ANKS1A: variants seen among roughly 807,000 people sequenced by gnomAD.
The protein encoded by ANKS1A is ankyrin repeat and sterile alpha motif domain containing 1A.
Under a neutral mutation model 120.3 loss-of-function variants are expected in ANKS1A, and 55 were observed. The ratio of observed to expected loss-of-function variants is 0.46; its 90% CI spans 0.37 to 0.57. The LOEUF (loss-of-function observed/expected upper bound fraction) is 0.57. Among genes scored for constraint, ANKS1A ranks in the 20% least tolerant of loss-of-function variants. The pLI, the probability that ANKS1A is intolerant of heterozygous loss-of-function variation, is 0.00. For synonymous variants in ANKS1A, 590 were observed against 604.7 expected (o/e 0.98, Z 0.36); for missense variants, 1,123 against 1,480.3 (o/e 0.76, Z 3.96).
intron 1 of ANKS1A, among the ~76,000 whole-genome samples, chr6:34,946,049 C>T (rs1294158487): frequency 1.0e-4 from 15 of 148,876 alleles, no homozygotes; most frequent in African/African-American, 3.4e-4. Context: ...GGCATGATTT[C>T]GGCTCACTGT....
At chr6:35,043,900 G>T (rs1369754282) in intron 11 of ANKS1A, among the ~76,000 whole-genome samples, 1 of 152,136 alleles carries the variant, frequency 6.6e-6, no homozygotes, top group Non-Finnish European at 1.5e-5. Flanking sequence ...TCTGAGTATA[G>T]ATTTCTTTTG....
At chr6:34,995,435 GA>G in intron 10 of ANKS1A, among the ~76,000 whole-genome samples, 1 of 151,812 alleles carries the variant, frequency 6.6e-6, no homozygotes, top group African/African-American at 2.4e-5. Context: ...TTATAATTTA[GA>G]TACAGTAAAA....
chr6:34,999,477 G>A (rs1410322953), intron 10 of ANKS1A, among the ~76,000 whole-genome samples: 1 of 152,252 alleles, frequency 6.6e-6, no homozygotes, highest in Non-Finnish European at 1.5e-5. Context: ...TGAGCGTGGT[G>A]TTTTGTCTCA....
Position 34,982,861 on chromosome 6 carries a change from G to A in ANKS1A, c.808+34G>A, listed in dbSNP as rs1346064949. 8.1e-6 allele frequency: 13 copies of A among 1,613,710 alleles called. No homozygotes were observed. Among genetic ancestry groups the A allele is most frequent in the African/African-American group, 4.0e-5 (3 of 75,036 alleles). ...TCGGCAGCGCTCTTGTCTACACAGC[G>A]TGCCAGGGTTGGGATTGTTTCTCCC... On this transcript the variant is annotated intron_variant, in intron 5 of 23. Coordinates refer to ENST00000360359, the MANE Select transcript of ANKS1A (RefSeq NM_015245.3). The surrounding 1 kb of genome is among the most constrained non-coding windows in gnomAD (Gnocchi z 4.9).
At chr6:35,063,636 G>A (rs1464416013) in intron 13 of ANKS1A, among the ~76,000 whole-genome samples, 1 of 152,232 alleles carries the variant, frequency 6.6e-6, no homozygotes, top group Non-Finnish European at 1.5e-5. Context: ...GAGCCAAGAT[G>A]TTTTCAGTGG....
In ANKS1A at chr6:35,060,093, A is replaced by G. The variant is rs1345809043; in HGVS notation, c.2078-54A>G. On this transcript the variant is annotated intron_variant, in intron 12 of 23. Coordinates refer to ENST00000360359, the MANE Select transcript of ANKS1A (RefSeq NM_015245.3). The surrounding 1 kb of genome is among the most constrained non-coding windows in gnomAD (Gnocchi z 4.5). The stretch of plus-strand genomic sequence containing the variant: ...CTATCTTCCTCTGAGTGCCGCTGCT[A>G]CCGCCTTAATGGTTTTTCCCTTTTC... The G allele has an allele frequency of 2.7e-6, 4 of 1,457,100 alleles. No individual in the cohort carries two copies. In the African/African-American group the frequency reaches 5.5e-5, roughly 20 times the overall value. 90.3% of individuals were successfully genotyped at this position (1,457,100 alleles called of 1,614,324 possible).
rs180901000 is a variant in ANKS1A, at chr6:34,997,070, T to C, written c.1423+2648T>C. On this transcript the variant is annotated intron_variant, in intron 10 of 23. Transcript: ENST00000360359. Reference sequence around the variant, plus strand: ...TCTTCTCCATCCCCACACCCGGTTCTTAGTGTGCACAGCTTGTTGATTTCT... The same window carrying C: ...TCTTCTCCATCCCCACACCCGGTTCCTAGTGTGCACAGCTTGTTGATTTCT... 3.5e-4 allele frequency among the ~76,000 whole-genome samples: 53 copies of C among 152,346 alleles called. No individual in the cohort carries two copies. In the East Asian group the frequency reaches 9.0e-3, roughly 26 times the overall value.
intron 1 of ANKS1A, among the ~76,000 whole-genome samples, chr6:34,906,818 G>A (rs1318487223): frequency 6.6e-6 from 1 of 152,230 alleles, no homozygotes; most frequent in Non-Finnish European, 1.5e-5. Flanking sequence ...CTCTCTAGGA[G>A]ATGGAATTTA....
chr6:34,966,330 T>C (rs897062420), intron 1 of ANKS1A, among the ~76,000 whole-genome samples: 1 of 152,194 alleles, frequency 6.6e-6, no homozygotes, highest in African/African-American at 2.4e-5. Context: ...TGAAAAACTA[T>C]TATCTCCATA....
Position 34,982,964 on chromosome 6 carries a change from TA to T in ANKS1A, c.808+140del. The stretch of plus-strand genomic sequence containing the variant: ...TCTCCACTGGTTGATTACAAGTGTG[TA>T]AACTGTTCTTGAATAGCTGGATTAA... On this transcript the variant is annotated intron_variant, in intron 5 of 23. Coordinates refer to ENST00000360359, the MANE Select transcript of ANKS1A (RefSeq NM_015245.3). The surrounding 1 kb of genome is among the most constrained non-coding windows in gnomAD (Gnocchi z 4.9). 7.9e-7 allele frequency: 1 copy of T among 1,269,492 alleles called. No individual in the cohort carries two copies. Among genetic ancestry groups the T allele is most frequent in the Non-Finnish European group, 1.1e-6 (1 of 876,242 alleles). 78.6% of individuals were successfully genotyped at this position (1,269,492 alleles called of 1,614,324 possible).
Position 35,082,700 on chromosome 6 carries a change from C to G in ANKS1A, c.2719C>G (p.Arg907Gly), listed in dbSNP as rs761540583. Residue 907 changes from arginine (R) to glycine (G), a missense_variant, in exon 18 of 24, where the codon CGT (arginine) becomes GGT (glycine). Physicochemically the swap from Arg to Gly is moderately radical, Grantham distance 125. Around this residue, in one of 3 missense-constraint regions of ANKS1A, gnomAD observed 904 missense variants for 1,130.4 expected, o/e 0.80. Transcript: ENST00000360359. This position sits in a 1 kb window ranked among gnomAD's most constrained non-coding sequence, Gnocchi z 4.1. ...TGCGTGTGTTTCGCAGGAGGAGCAC[C>G]GTGAGGCCAAGCTGACCCTGCGGCC... ...AERFRIQEEH[R>G]EAKLTLRPPS... 8 of 1,610,346 alleles carry G rather than the reference C, an allele frequency of 5.0e-6. No homozygotes were observed. The highest frequency in any genetic ancestry group is 6.8e-6 in the Non-Finnish European group (8 of 1,178,192).
chr6:35,009,076 G>T (rs1773608359), intron 10 of ANKS1A, among the ~76,000 whole-genome samples: 1 of 152,158 alleles, frequency 6.6e-6, no homozygotes. Context: ...ACAATGCAGT[G>T]TTGTTGAGGC....
intron 11 of ANKS1A, among the ~76,000 whole-genome samples, chr6:35,018,829 C>A (rs183542547): frequency 2.6e-5 from 4 of 152,288 alleles, no homozygotes; most frequent in African/African-American, 4.8e-5. Context: ...TGGCCTCCAG[C>A]TGCATCCATG....
chr6:34,923,287 G>C (rs1181920909), intron 1 of ANKS1A, among the ~76,000 whole-genome samples: 4 of 152,198 alleles, frequency 2.6e-5, no homozygotes, highest in Admixed American at 2.0e-4. Flanking sequence ...ATCAAGTATA[G>C]AATACTGACT....
intron 7 of ANKS1A, 24 bp from the exon 8 acceptor site, chr6:34,985,058 T>C (rs779476909): frequency 1.9e-6 from 3 of 1,602,446 alleles, no homozygotes; most frequent in Non-Finnish European, 2.6e-6. Context: ...TCAGTGACTC[T>C]CTTGCCCTCC....
downstream of ANKS1A, among the ~76,000 whole-genome samples, chr6:35,094,949 G>A (rs1302043096): frequency 3.9e-5 from 6 of 152,096 alleles, no homozygotes. Flanking sequence ...AGACCAGCCT[G>A]GGCAACATAG....
chr6:35,041,640 T>C (rs1775463660), intron 11 of ANKS1A, among the ~76,000 whole-genome samples: 1 of 152,204 alleles, frequency 6.6e-6, no homozygotes, highest in Non-Finnish European at 1.5e-5. Context: ...CATGGGGTTG[T>C]ACACTTTAAC....
Position 34,982,871 on chromosome 6 carries a change from T to G in ANKS1A, c.808+44T>G, listed in dbSNP as rs766715468. On this transcript the variant is annotated intron_variant, in intron 5 of 23. Coordinates refer to ENST00000360359, the MANE Select transcript of ANKS1A (RefSeq NM_015245.3). This position sits in a 1 kb window ranked among gnomAD's most constrained non-coding sequence, Gnocchi z 4.9. ...TCTTGTCTACACAGCGTGCCAGGGTTGGGATTGTTTCTCCCTAGTCCCCTA... is the reference window on the plus strand; with the variant it reads ...TCTTGTCTACACAGCGTGCCAGGGTGGGGATTGTTTCTCCCTAGTCCCCTA... 1 of 1,613,302 alleles carries G rather than the reference T, an allele frequency of 6.2e-7. No individual in the cohort carries two copies. The highest frequency in any genetic ancestry group is 8.5e-7 in the Non-Finnish European group (1 of 1,179,278).
At chr6:35,091,864 G>A (rs964522218), downstream of ANKS1A, among the ~76,000 whole-genome samples, 5 of 152,236 alleles carry the variant, frequency 3.3e-5, no homozygotes, top group Non-Finnish European at 5.9e-5. Context: ...CTACCAGCCC[G>A]AAGCCGTGCT....
Sources: allele counts gnomAD v4.1 joint callset (sites outside exome capture counted in the v4.1 genomes callset), GRCh38; gene constraint gnomAD v4.1.1; regional missense constraint gnomAD v4.1.1; non-coding constraint Gnocchi (gnomAD v3.1); transcripts MANE v1.5; gene names NCBI Gene and HGNC (gene_info 2026-07-23, HGNC 2026-07-21).